The following R3HDM2 variants were observed in gnomAD, a reference collection of about 807,000 sequenced individuals.
The protein encoded by R3HDM2 is R3H domain-containing protein 2.
A neutral mutation model predicts 124.5 loss-of-function variants in R3HDM2; 38 were observed. The observed-to-expected ratio is 0.31, with a 90% CI of 0.24 to 0.40. The LOEUF (loss-of-function observed/expected upper bound fraction) is 0.40. R3HDM2 is among the 10% of genes least tolerant of loss of function. R3HDM2 has a pLI of 1.00. For synonymous variants in R3HDM2, 391 were observed against 448.0 expected, an observed-to-expected ratio of 0.87 and a Z score of 1.61; for missense variants, 869 against 1,236.9, an observed-to-expected ratio of 0.70 and a Z score of 4.46.
chr12:57,392,663 G>A (rs558688063), intron 2 of R3HDM2, among the ~76,000 whole-genome samples: 1 of 152,056 alleles, frequency 6.6e-6, no homozygotes, highest in African/African-American at 2.4e-5. Flanking sequence ...GCGCGATCTC[G>A]GCTCACCACA....
At chr12:57,362,343 C>T (rs1157331513) in intron 2 of R3HDM2, among the ~76,000 whole-genome samples, 1 of 152,114 alleles carries the variant, frequency 6.6e-6, no homozygotes, top group Non-Finnish European at 1.5e-5. Flanking sequence ...TGTATTTTCT[C>T]TTCCTTATGA....
Position 57,348,718 on chromosome 12 carries a change from AAAAG to A in R3HDM2, c.-35-38259_-35-38256del, listed in dbSNP as rs1203486936. 3.6e-3 allele frequency among the ~76,000 whole-genome samples: 46 copies of A among 12,824 alleles called. 5 individuals carry two copies. The highest frequency in any genetic ancestry group is 8.2e-3 in the African/African-American group (44 of 5,390). 8.4% of individuals were successfully genotyped at this position (12,824 alleles called of 152,430 possible). ...CAAAAAAAAAAAAAAAAAAAAAAAAAAAAGAGAGAGAAAAATTAGCCAGGCATGG... is the reference window on the plus strand; with the variant it reads ...CAAAAAAAAAAAAAAAAAAAAAAAAAAGAGAGAAAAATTAGCCAGGCATGG... On this transcript the variant is annotated intron_variant, in intron 2 of 23. Transcript: ENST00000402412.
In R3HDM2 at chr12:57,296,687, TTAC is replaced by T; in HGVS notation, c.561-139_561-137del. ...GACATATTATAAGGAATATAGATAT[TTAC>T]TAAATGGGAACCAAATAGGTTTTTC... On this transcript the variant is annotated intron_variant, in intron 8 of 23. Transcript: ENST00000402412. The surrounding 1 kb of genome is among the most constrained non-coding windows in gnomAD (Gnocchi z 4.5). The T allele has an allele frequency of 2.2e-6, 2 of 915,328 alleles. No homozygotes were observed. The highest frequency in any genetic ancestry group is 3.2e-6 in the Non-Finnish European group (2 of 625,340). The allele number at this position is 915,328 out of a possible 1,614,324, so 56.7% of individuals were successfully genotyped here. A position where few individuals can be genotyped will look rare whatever the true frequency, so the allele number is the denominator to read the frequency against.
intron 2 of R3HDM2, among the ~76,000 whole-genome samples, chr12:57,325,585 C>T (rs1326640081): frequency 2.6e-5 from 4 of 152,104 alleles, no homozygotes; most frequent in Non-Finnish European, 5.9e-5. Flanking sequence ...CTTGCTGTGT[C>T]ACTCCTTCTG....
intron 4 of R3HDM2, among the ~76,000 whole-genome samples, chr12:57,301,489 G>GCTA (rs1462894185): frequency 6.6e-6 from 1 of 152,216 alleles, no homozygotes; most frequent in Non-Finnish European, 1.5e-5. Context: ...TGAATGTTAA[G>GCTA]CTACTGCTAC....
At chr12:57,372,136 G>A (rs774784465) in intron 2 of R3HDM2, among the ~76,000 whole-genome samples, 1 of 151,934 alleles carries the variant, frequency 6.6e-6, no homozygotes, top group Admixed American at 6.6e-5. Flanking sequence ...CAAAGTGCTG[G>A]GATTACAGGT....
rs955923686 is a variant in R3HDM2, at chr12:57,427,047, C to A, written c.-106+3673G>T. Among the ~76,000 whole-genome samples, 13 of 152,300 alleles carry A rather than the reference C, an allele frequency of 8.5e-5. No homozygotes were observed. In the East Asian group the frequency reaches 2.5e-3, roughly 29 times the overall value. On this transcript the variant is annotated intron_variant, in intron 1 of 23. Coordinates refer to ENST00000402412, the MANE Select transcript of R3HDM2 (RefSeq NM_001394031.1). ...GAGGCTCACGCCTACAATCCCAGCACTTTGGGAGGCCGAGGCAGGAGGATC... is the reference window on the plus strand; with the variant it reads ...GAGGCTCACGCCTACAATCCCAGCAATTTGGGAGGCCGAGGCAGGAGGATC...
intron 2 of R3HDM2, among the ~76,000 whole-genome samples, chr12:57,358,395 G>A (rs2061529202): frequency 6.6e-6 from 1 of 152,086 alleles, no homozygotes; most frequent in Non-Finnish European, 1.5e-5. Flanking sequence ...CTAGTACTTC[G>A]GGAGGTCAAG....
intron 3 of R3HDM2, among the ~76,000 whole-genome samples, chr12:57,304,205 G>T (rs1196113379): frequency 2.0e-5 from 3 of 152,124 alleles, no homozygotes. Flanking sequence ...CAGAGCAAGG[G>T]GAAGAGAGTG....
intron 20 of R3HDM2, 57 bp downstream of exon 20, chr12:57,258,833 G>T: frequency 7.2e-7 from 1 of 1,398,338 alleles, no homozygotes; most frequent in Admixed American, 2.7e-5. Flanking sequence ...CAAACATTGC[G>T]CCCCGGGAAG....
chr12:57,422,639 G>C (rs2070325210), intron 1 of R3HDM2, among the ~76,000 whole-genome samples: 1 of 152,160 alleles, frequency 6.6e-6, no homozygotes, highest in South Asian at 2.1e-4. Context: ...TTAAGAACGA[G>C]AGATAGGGAG....
intron 2 of R3HDM2, among the ~76,000 whole-genome samples, chr12:57,366,118 C>T (rs60187792): frequency 0.012 from 1,832 of 152,126 alleles, 31 homozygotes; most frequent in African/African-American, 0.042. Context: ...TGATGTTGTT[C>T]CACTGCTCAC....
intron 1 of R3HDM2, among the ~76,000 whole-genome samples, chr12:57,411,553 T>A (rs775365334): frequency 2.6e-5 from 4 of 152,252 alleles, no homozygotes; most frequent in Non-Finnish European, 5.9e-5. Flanking sequence ...CAAAGGAATA[T>A]GCAGATACAT....
intron 1 of R3HDM2, chr12:57,430,430 G>T: frequency 1.3e-6 from 1 of 783,684 alleles, no homozygotes; most frequent in Non-Finnish European, 1.5e-6. Context: ...CCGAAGCACT[G>T]GAAGGGCGCA....
At chr12:57,274,358 C>A (rs1355308764) in intron 14 of R3HDM2, among the ~76,000 whole-genome samples, 1 of 152,148 alleles carries the variant, frequency 6.6e-6, no homozygotes, top group African/African-American at 2.4e-5. Context: ...CCTGTAGTCC[C>A]AGCTACTCAG....
intron 4 of R3HDM2, among the ~76,000 whole-genome samples, chr12:57,301,493 C>T (rs1170135484): frequency 6.6e-6 from 1 of 152,252 alleles, no homozygotes; most frequent in Non-Finnish European, 1.5e-5. Context: ...TGTTAAGCTA[C>T]TGCTACTGAT....
At chr12:57,347,954 T>C (rs969017316) in intron 2 of R3HDM2, among the ~76,000 whole-genome samples, 1 of 152,084 alleles carries the variant, frequency 6.6e-6, no homozygotes, top group African/African-American at 2.4e-5. Context: ...AGGTCTTGCC[T>C]AGGTGACAGA....
chr12:57,417,366 C>T (rs970221487), intron 1 of R3HDM2, among the ~76,000 whole-genome samples: 8 of 139,672 alleles, frequency 5.7e-5, no homozygotes, highest in South Asian at 4.9e-4. Context: ...GCCTGGGCTA[C>T]GGGGCAAAAT....
intron 3 of R3HDM2, among the ~76,000 whole-genome samples, chr12:57,306,915 T>G (rs1380275176): frequency 2.0e-5 from 3 of 152,116 alleles, no homozygotes; most frequent in African/African-American, 7.2e-5. Context: ...CTTGGGAGGC[T>G]GAGGCAGGAG....
Sources: gnomAD v4.1 joint callset for allele counts (sites outside exome capture counted in the v4.1 genomes callset) on GRCh38, gnomAD v4.1.1 for gene constraint, Gnocchi (gnomAD v3.1) non-coding constraint, MANE v1.5 for transcripts, NCBI Gene and HGNC (gene_info 2026-07-23, HGNC 2026-07-21) for gene names.